PGCKA1: variants seen among roughly 807,000 people sequenced by gnomAD.
PGCKA1 encodes the protein PDCD10 and GCKIII kinases-associated protein 1.
chr4:37,521,682 G>A, the PGCKA1 span, among the ~76,000 whole-genome samples: 2 of 152,166 alleles, frequency 1.3e-5, no homozygotes, highest in Admixed American at 6.5e-5. Context: ...GAAATGTTCT[G>A]TAAATATCTG....
chr4:37,541,752 G>A, the PGCKA1 span, among the ~76,000 whole-genome samples: 3 of 152,140 alleles, frequency 2.0e-5, no homozygotes, highest in Non-Finnish European at 2.9e-5. Flanking sequence ...TGGCTCTAGA[G>A]CTCACCCCTC....
chr4:37,561,996 G>A, the PGCKA1 span, among the ~76,000 whole-genome samples: 2 of 152,180 alleles, frequency 1.3e-5, no homozygotes, highest in East Asian at 3.8e-4. Context: ...CAACACGTCA[G>A]CACTATGCCT....
the PGCKA1 span, chr4:37,588,891 A>T: frequency 1.2e-6 from 2 of 1,613,180 alleles, no homozygotes; most frequent in Non-Finnish European, 8.5e-7. Flanking sequence ...GCTGTAAAAT[A>T]ATACAAAGGT....
At chr4:37,463,723 A>G in the PGCKA1 span, among the ~76,000 whole-genome samples, 511 of 152,082 alleles carry the variant, frequency 3.4e-3, no homozygotes, top group African/African-American at 0.012. Context: ...AGGGAGCTAG[A>G]GAGTTGTTTT....
chr4:37,499,897 G>A, the PGCKA1 span, among the ~76,000 whole-genome samples: 284 of 120,834 alleles, frequency 2.4e-3, no homozygotes, highest in African/African-American at 7.6e-3. Context: ...ATGTTAAGTT[G>A]TTAAACTGAG....
chr4:37,552,245 C>T, the PGCKA1 span, among the ~76,000 whole-genome samples: 1 of 152,192 alleles, frequency 6.6e-6, no homozygotes, highest in Non-Finnish European at 1.5e-5. Flanking sequence ...CTCTGACTAC[C>T]AGTGCATGAA....
At chr4:37,507,913 TTTC>T in the PGCKA1 span, among the ~76,000 whole-genome samples, 1 of 152,194 alleles carries the variant, frequency 6.6e-6, no homozygotes, top group Non-Finnish European at 1.5e-5. Flanking sequence ...AGTAATTTTA[TTTC>T]TTCTTCATGT....
the PGCKA1 span, among the ~76,000 whole-genome samples, chr4:37,503,862 C>G: frequency 6.6e-6 from 1 of 152,206 alleles, no homozygotes; most frequent in East Asian, 1.9e-4. Context: ...TAATCCCTTG[C>G]CAGATGGGGT....
At chr4:37,546,644 T>C in the PGCKA1 span, among the ~76,000 whole-genome samples, 3 of 152,178 alleles carry the variant, frequency 2.0e-5, no homozygotes, top group Non-Finnish European at 4.4e-5. Flanking sequence ...GTCTGAGAGG[T>C]TTTCCCTGCG....
chr4:37,576,271 TTA>T, the PGCKA1 span, among the ~76,000 whole-genome samples: 2 of 152,182 alleles, frequency 1.3e-5, no homozygotes, highest in Non-Finnish European at 2.9e-5. Flanking sequence ...CACCAACATT[TTA>T]TAGTCTTCAT....
chr4:37,570,048 C>T, the PGCKA1 span, among the ~76,000 whole-genome samples: 2 of 142,542 alleles, frequency 1.4e-5, no homozygotes, highest in African/African-American at 5.2e-5. Flanking sequence ...GGCGCCATCT[C>T]GGCTCACTGC....
chr4:37,470,838 T>G, the PGCKA1 span, among the ~76,000 whole-genome samples: 3 of 152,178 alleles, frequency 2.0e-5, no homozygotes, highest in East Asian at 3.8e-4. Context: ...TTTTTTGAGA[T>G]GTAGAAAAGA....
the PGCKA1 span, among the ~76,000 whole-genome samples, chr4:37,472,859 G>T: frequency 1.2e-4 from 19 of 152,070 alleles, no homozygotes; most frequent in Admixed American, 1.2e-3. Flanking sequence ...GCAGAATCCA[G>T]TTGTATGTTC....
the PGCKA1 span, among the ~76,000 whole-genome samples, chr4:37,517,746 G>C: frequency 6.6e-6 from 1 of 152,116 alleles, no homozygotes; most frequent in Non-Finnish European, 1.5e-5. Context: ...TTTATCCTTT[G>C]AGTTACAAAC....
At chr4:37,536,215 G>A in the PGCKA1 span, among the ~76,000 whole-genome samples, 2 of 152,158 alleles carry the variant, frequency 1.3e-5, no homozygotes, top group Admixed American at 1.3e-4. Context: ...GGCACAGCGG[G>A]CCAAAAGCTT....
chr4:37,500,659 G>T, the PGCKA1 span, among the ~76,000 whole-genome samples: 1 of 152,184 alleles, frequency 6.6e-6, no homozygotes, highest in African/African-American at 2.4e-5. Flanking sequence ...CTGAGTTCAG[G>T]TCCCAAATTA....
chr4:37,570,853 G>T, the PGCKA1 span, among the ~76,000 whole-genome samples: 1 of 152,180 alleles, frequency 6.6e-6, no homozygotes, highest in Admixed American at 6.5e-5. Context: ...CATAATAGAG[G>T]TTTTGCTGTC....
At chr4:37,547,009 G>A in the PGCKA1 span, among the ~76,000 whole-genome samples, 1 of 151,130 alleles carries the variant, frequency 6.6e-6, no homozygotes, top group Non-Finnish European at 1.5e-5. Flanking sequence ...GCACTTTGAT[G>A]TTGATTTTGG....
chr4:37,492,417 G>A, the PGCKA1 span, among the ~76,000 whole-genome samples: 5 of 152,290 alleles, frequency 3.3e-5, no homozygotes, highest in East Asian at 5.8e-4. This position sits in a 1 kb window ranked among gnomAD's most constrained non-coding sequence, Gnocchi z 4.7. Flanking sequence ...GATTCTCACT[G>A]GAATGATCTG....
Sources: allele counts gnomAD v4.1 joint callset (sites outside exome capture counted in the v4.1 genomes callset), GRCh38; gene constraint gnomAD v4.1.1; non-coding constraint Gnocchi (gnomAD v3.1); transcripts MANE v1.5; gene names NCBI Gene and HGNC (gene_info 2026-07-23, HGNC 2026-07-21).